PCBP3: variants seen among roughly 807,000 people sequenced by gnomAD.
The protein encoded by PCBP3 is poly(rC) binding protein 3.
PCBP3 carries 25 observed loss-of-function variants against 52.7 expected under a neutral mutation model. That is an observed-to-expected ratio of 0.47 (90% CI 0.35 to 0.66). PCBP3 has a LOEUF of 0.66. Among genes scored for constraint, PCBP3 ranks in the 30% least tolerant of loss-of-function variants. The pLI, the probability that PCBP3 is intolerant of heterozygous loss-of-function variation, is 0.01. For synonymous variants in PCBP3, 162 were observed against 183.0 expected (o/e 0.89, Z 0.93); for missense variants, 391 against 490.3 (o/e 0.80, Z 1.91).
At chr21:45,770,430 G>A (rs1385398784) in intron 4 of PCBP3, among the ~76,000 whole-genome samples, 2 of 152,086 alleles carry the variant, frequency 1.3e-5, no homozygotes, top group Non-Finnish European at 2.9e-5. Flanking sequence ...AAAATAACCT[G>A]TTTCTTTTTG....
At position 45,800,392 on chromosome 21, in the gene PCBP3, G is replaced by A. The variant is rs2092249704; in HGVS notation, c.-126+44940G>A. ...AGATGATGTCGCCTTTGTAGACAAA[G>A]GAAGAGACCTTGGAACCTGAGGGTA... On this transcript the variant is annotated intron_variant, in intron 4 of 17. Transcript: ENST00000681687. This position sits in a 1 kb window ranked among gnomAD's most constrained non-coding sequence, Gnocchi z 5.3. 6.6e-6 allele frequency among the ~76,000 whole-genome samples: 1 copy of A among 152,168 alleles called. No individual in the cohort carries two copies. Among genetic ancestry groups the A allele is most frequent in the Non-Finnish European group, 1.5e-5 (1 of 68,010 alleles).
At chr21:45,888,356 G>A (rs115797334) in intron 5 of PCBP3, among the ~76,000 whole-genome samples, 25 of 152,352 alleles carry the variant, frequency 1.6e-4, no homozygotes, top group African/African-American at 5.0e-4. Context: ...AATAACTGGC[G>A]TTACCTCCAG....
intron 4 of PCBP3, among the ~76,000 whole-genome samples, chr21:45,786,378 C>T (rs1603426193): frequency 6.6e-6 from 1 of 151,844 alleles, no homozygotes; most frequent in Admixed American, 6.6e-5. Context: ...GCAGCCTCTA[C>T]CTCCTGGGTT....
At chr21:45,941,521 G>T (rs955848873) in intron 17 of PCBP3, 149 bp from the exon 18 acceptor site, 48 of 622,244 alleles carry the variant, frequency 7.7e-5, no homozygotes, top group Non-Finnish European at 1.3e-4. Context: ...TGTGTGCTCT[G>T]CTGTGGTCTC....
chr21:45,854,201 A>G (rs1569324143), intron 5 of PCBP3, among the ~76,000 whole-genome samples: 2 of 148,982 alleles, frequency 1.3e-5, no homozygotes, highest in African/African-American at 5.0e-5. Flanking sequence ...CTCAAATACG[A>G]CTCCTCCTGC....
At chr21:45,786,669 A>C (rs1184714470) in intron 4 of PCBP3, among the ~76,000 whole-genome samples, 7 of 152,332 alleles carry the variant, frequency 4.6e-5, no homozygotes, top group African/African-American at 1.4e-4. Context: ...TAAGAGAATT[A>C]CATATATTGC....
intron 4 of PCBP3, chr21:45,762,486 C>CTTTTTTTTTTTTTTTTTTTTTTTTTT (rs1401689005): frequency 1.0e-5 from 1 of 95,260 alleles, no homozygotes; most frequent in African/African-American, 3.3e-5. Flanking sequence ...CTTTTCTTTT[C>CTTTTTTTTTTTTTTTTTTTTTTTTTT]TTCTCTTTTT....
At chr21:45,932,625 C>T (rs560580698) in intron 15 of PCBP3, among the ~76,000 whole-genome samples, 8 of 152,114 alleles carry the variant, frequency 5.3e-5, no homozygotes, top group Admixed American at 1.3e-4. Context: ...ACACGTCGGC[C>T]GTGCCGTCCT....
At chr21:45,813,285 G>GTATGTGTTC (rs1160689827) in intron 4 of PCBP3, among the ~76,000 whole-genome samples, 1 of 152,162 alleles carries the variant, frequency 6.6e-6, no homozygotes, top group African/African-American at 2.4e-5. Context: ...TTTGTATGCA[G>GTATGTGTTC]TATGTGTTCT....
At chr21:45,673,196 A>G (rs909871747) in intron 2 of PCBP3, among the ~76,000 whole-genome samples, 1 of 152,182 alleles carries the variant, frequency 6.6e-6, no homozygotes, top group Non-Finnish European at 1.5e-5. Context: ...AAAGAAGAAA[A>G]TTTCTGATTA....
chr21:45,703,058 C>G (rs542600764), intron 2 of PCBP3, among the ~76,000 whole-genome samples: 2 of 152,094 alleles, frequency 1.3e-5, no homozygotes, highest in Non-Finnish European at 2.9e-5. Flanking sequence ...TGCAGCAATT[C>G]AGTCACATCT....
At chr21:45,660,301 G>A (rs1356506060) in intron 1 of PCBP3, among the ~76,000 whole-genome samples, 1 of 151,652 alleles carries the variant, frequency 6.6e-6, no homozygotes, top group Non-Finnish European at 1.5e-5. Context: ...GCTCTCCTTT[G>A]GTTACTGTTT....
chr21:45,818,831 A>G (rs913475191), intron 4 of PCBP3, among the ~76,000 whole-genome samples: 9 of 152,264 alleles, frequency 5.9e-5, no homozygotes, highest in African/African-American at 2.2e-4. Flanking sequence ...TCAGCACTAC[A>G]AAGAAATGAG....
Position 45,928,958 on chromosome 21 carries a change from C to G in PCBP3, c.718-959C>G, listed in dbSNP as rs2075828381. Among the ~76,000 whole-genome samples the G allele has an allele frequency of 6.6e-6, 1 of 152,196 alleles. No homozygotes were observed. Among genetic ancestry groups the G allele is most frequent in the African/African-American group, 2.4e-5 (1 of 41,448 alleles). On this transcript the variant is annotated intron_variant, in intron 13 of 17. Transcript: ENST00000681687. The surrounding 1 kb of genome is among the most constrained non-coding windows in gnomAD (Gnocchi z 4.1). ...CACCCTCTGCAGCACCCAGCCTTGA[C>G]AGCCCCACTGGAGGCCTGTGGCTCC...
intron 4 of PCBP3, among the ~76,000 whole-genome samples, chr21:45,795,892 G>C (rs1343823611): frequency 6.6e-6 from 1 of 152,218 alleles, no homozygotes; most frequent in Non-Finnish European, 1.5e-5. Flanking sequence ...TACCACTGCA[G>C]GTAGGAAGCT....
intron 2 of PCBP3, among the ~76,000 whole-genome samples, chr21:45,731,133 T>A (rs1406829540): frequency 6.6e-6 from 1 of 152,208 alleles, no homozygotes; most frequent in African/African-American, 2.4e-5. Flanking sequence ...TTATTTTGGA[T>A]TGAGTACTTT....
intron 2 of PCBP3, among the ~76,000 whole-genome samples, chr21:45,692,555 CTAAAGCTCATTCAAAACAACGAAGCAAT>C (rs2082546899): frequency 6.6e-6 from 1 of 152,156 alleles, no homozygotes; most frequent in African/African-American, 2.4e-5. Context: ...CCTTGAAAGA[CTAAAGCTCATTCAAAACAACGAAGCAAT>C]TAAAGCTCAT....
At chr21:45,935,514 A>T (rs766632730) in intron 16 of PCBP3, 3 of 680,168 alleles carry the variant, frequency 4.4e-6, no homozygotes, top group South Asian at 3.0e-5. Context: ...CATCCCTAAG[A>T]TGTTGAACAA....
intron 4 of PCBP3, among the ~76,000 whole-genome samples, chr21:45,767,729 G>A (rs2089483499): frequency 6.6e-6 from 1 of 152,226 alleles, no homozygotes; most frequent in African/African-American, 2.4e-5. Context: ...TCGTGGTGAG[G>A]CAGCTCTGTG....
Sources: allele counts gnomAD v4.1 joint callset (sites outside exome capture counted in the v4.1 genomes callset), GRCh38; gene constraint gnomAD v4.1.1; non-coding constraint Gnocchi (gnomAD v3.1); transcripts MANE v1.5; gene names NCBI Gene and HGNC (gene_info 2026-07-23, HGNC 2026-07-21).